MYPN: variants seen among roughly 807,000 people sequenced by gnomAD.
The protein encoded by MYPN is myopalladin.
Under a neutral mutation model 129.4 loss-of-function variants are expected in MYPN, and 63 were observed. The ratio of observed to expected loss-of-function variants is 0.49; its 90% CI spans 0.40 to 0.60. The LOEUF (loss-of-function observed/expected upper bound fraction) is 0.60, where lower values mean the gene tolerates loss of function less well. MYPN is among the 20% of genes least tolerant of loss of function. The pLI, the probability that MYPN is intolerant of heterozygous loss-of-function variation, is 0.00. For synonymous variants in MYPN, 629 were observed against 600.9 expected, an observed-to-expected ratio of 1.05 and a Z score of -0.68; for missense variants, 1,596 against 1,635.4, an observed-to-expected ratio of 0.98 and a Z score of 0.42.
chr10:68,193,018 AT>A (rs1437787883), intron 13 of MYPN, among the ~76,000 whole-genome samples: 12 of 151,912 alleles, frequency 7.9e-5, no homozygotes, highest in African/African-American at 2.9e-4. Context: ...TCTCAATTTC[AT>A]TGATTTCTGC....
chr10:68,112,781 C>T (rs1275252950), intron 1 of MYPN, among the ~76,000 whole-genome samples: 5 of 151,994 alleles, frequency 3.3e-5, no homozygotes, highest in African/African-American at 7.3e-5. Flanking sequence ...TTACTAATGC[C>T]GTTCACACGA....
At chr10:68,209,146 C>T (rs117665434) in intron 19 of MYPN, among the ~76,000 whole-genome samples, 4 of 152,270 alleles carry the variant, frequency 2.6e-5, no homozygotes, top group African/African-American at 4.8e-5. Flanking sequence ...GAGAGTTCCC[C>T]ACCTAGGGAA....
At chr10:68,203,336 C>A (rs2043750050) in intron 18 of MYPN, among the ~76,000 whole-genome samples, 1 of 152,132 alleles carries the variant, frequency 6.6e-6, no homozygotes, top group South Asian at 2.1e-4. Flanking sequence ...TGCCTGTAAT[C>A]CCAACATTTT....
Position 68,182,438 on chromosome 10 carries a change from T to C in MYPN, c.2704-6467T>C, listed in dbSNP as rs1420598000. On this transcript the variant is annotated intron_variant, in intron 12 of 19. Transcript: ENST00000358913. Reference sequence around the variant, plus strand: ...ATAACATATATATAACACATATATATAACATATATATAACATATATATATA... The same window carrying C: ...ATAACATATATATAACACATATATACAACATATATATAACATATATATATA... Among the ~76,000 whole-genome samples, 14 of 136,350 alleles carry C rather than the reference T, an allele frequency of 1.0e-4. 1 individual carries two copies. Among genetic ancestry groups the C allele is most frequent in the East Asian group, 6.4e-4 (3 of 4,658 alleles). 89.5% of individuals were successfully genotyped at this position (136,350 alleles called of 152,430 possible).
At chr10:68,143,660 G>A (rs774532942) in intron 3 of MYPN, among the ~76,000 whole-genome samples, 1 of 152,152 alleles carries the variant, frequency 6.6e-6, no homozygotes, top group Non-Finnish European at 1.5e-5. Context: ...GTCATTGCAA[G>A]GACTTTGGTT....
intron 17 of MYPN, among the ~76,000 whole-genome samples, chr10:68,201,139 A>G (rs182120936): frequency 1.3e-5 from 2 of 152,292 alleles, no homozygotes; most frequent in Admixed American, 1.3e-4. Context: ...ACCCCCAAAA[A>G]TCTGTTTTAG....
In MYPN at chr10:68,139,920, A is replaced by G. The variant is rs537986679; in HGVS notation, c.903-3020A>G. 6.6e-5 allele frequency among the ~76,000 whole-genome samples: 10 copies of G among 152,348 alleles called. No homozygotes were observed. The East Asian group carries it at 1.9e-3, about 29-fold the overall frequency. ...ACTTTGCAGTCTAGTGAAGGGAGCA[A>G]ACCACAATAAAATAAACAAGTATAT... On this transcript the variant is annotated intron_variant, in intron 2 of 19. Transcript: ENST00000358913.
At chr10:68,111,081 T>C (rs909292635) in intron 1 of MYPN, among the ~76,000 whole-genome samples, 1 of 152,186 alleles carries the variant, frequency 6.6e-6, no homozygotes, top group Non-Finnish European at 1.5e-5. Context: ...ACTACTACAA[T>C]ATGCTTACAA....
chr10:68,211,416 T>G lies in MYPN; in HGVS notation c.*961T>G. On this transcript the variant is annotated 3_prime_UTR_variant, in exon 20 of 20. Transcript: ENST00000358913. ...ACAAGGAGAGGAAATGATGGGAGAGTGTTGTTTTTGTCACTTGCCCCAGCA... is the reference window on the plus strand; with the variant it reads ...ACAAGGAGAGGAAATGATGGGAGAGGGTTGTTTTTGTCACTTGCCCCAGCA... 2.2e-6 allele frequency: 1 copy of G among 452,810 alleles called. No homozygotes were observed. The highest frequency in any genetic ancestry group is 1.6e-5 in the South Asian group (1 of 64,420). 28.0% of individuals were successfully genotyped at this position (452,810 alleles called of 1,614,324 possible). A position where few individuals can be genotyped will look rare whatever the true frequency, so the allele number is the denominator to read the frequency against.
At chr10:68,152,341 GT>G (rs751036587) in intron 6 of MYPN, among the ~76,000 whole-genome samples, 4 of 152,188 alleles carry the variant, frequency 2.6e-5, no homozygotes, top group Non-Finnish European at 4.4e-5. Flanking sequence ...TAGTTTTCAG[GT>G]TAGCTTCAGA....
chr10:68,091,886 G>A (rs561082247), intron 1 of MYPN, among the ~76,000 whole-genome samples: 51 of 149,944 alleles, frequency 3.4e-4, no homozygotes, highest in South Asian at 4.2e-4. Flanking sequence ...AAAATCACCC[G>A]TAATTCTGCT....
At chr10:68,107,279 G>T (rs2042022598), upstream of MYPN, among the ~76,000 whole-genome samples, 1 of 150,386 alleles carries the variant, frequency 6.6e-6, no homozygotes, top group Non-Finnish European at 1.5e-5. Context: ...ATTTGAAAAT[G>T]TTGCAGTAAA....
intron 12 of MYPN, among the ~76,000 whole-genome samples, chr10:68,180,433 G>A (rs1193261478): frequency 1.3e-5 from 2 of 152,176 alleles, no homozygotes; most frequent in East Asian, 3.8e-4. Flanking sequence ...CGATCCACCC[G>A]CCTTAGCCTC....
chr10:68,160,110 C>A (rs2042948575), intron 7 of MYPN, among the ~76,000 whole-genome samples: 1 of 151,974 alleles, frequency 6.6e-6, no homozygotes, highest in Non-Finnish European at 1.5e-5. Context: ...TTCTGAATGC[C>A]ATTTAAACTG....
intron 12 of MYPN, among the ~76,000 whole-genome samples, chr10:68,187,891 T>C (rs4300300): frequency 0.19 from 28,983 of 151,994 alleles, 3,105 homozygotes; most frequent in Middle Eastern, 0.26. Context: ...AAGGTAAGAA[T>C]GGATAAATGA....
At chr10:68,119,144 T>C (rs1335407004) in intron 1 of MYPN, among the ~76,000 whole-genome samples, 1 of 152,142 alleles carries the variant, frequency 6.6e-6, no homozygotes, top group African/African-American at 2.4e-5. Flanking sequence ...TGTTACTACA[T>C]GTAGTTGGTG....
chr10:68,114,964 C>T (rs2042134635), intron 1 of MYPN, among the ~76,000 whole-genome samples: 1 of 151,958 alleles, frequency 6.6e-6, no homozygotes, highest in African/African-American at 2.4e-5. Flanking sequence ...GAAACAAACT[C>T]AAATATCACT....
intron 14 of MYPN, among the ~76,000 whole-genome samples, chr10:68,195,093 C>T (rs1051221413): frequency 3.9e-5 from 6 of 152,156 alleles, no homozygotes; most frequent in African/African-American, 1.4e-4. Context: ...TCCATTCCTA[C>T]TGAAATGTTA....
At chr10:68,111,509 AT>A (rs2042081564) in intron 1 of MYPN, among the ~76,000 whole-genome samples, 1 of 152,152 alleles carries the variant, frequency 6.6e-6, no homozygotes, top group African/African-American at 2.4e-5. Flanking sequence ...CTCCTAGGGG[AT>A]GATATTTTTT....
Sources: gnomAD v4.1 joint callset for allele counts (sites outside exome capture counted in the v4.1 genomes callset) on GRCh38, gnomAD v4.1.1 for gene constraint, MANE v1.5 for transcripts, NCBI Gene and HGNC (gene_info 2026-07-23, HGNC 2026-07-21) for gene names.